SAMD4B: variants seen among roughly 807,000 people sequenced by gnomAD.
SAMD4B encodes the protein protein Smaug homolog 2.
SAMD4B carries 5 observed loss-of-function variants against 74.5 expected under a neutral mutation model. The ratio of observed to expected loss-of-function variants is 0.07; its 90% CI spans 0.04 to 0.14. SAMD4B has a LOEUF of 0.14. SAMD4B is among the 10% of genes least tolerant of loss of function. SAMD4B has a pLI of 1.00. For synonymous variants in SAMD4B, 373 were observed against 374.9 expected (o/e 1.00, Z 0.06); for missense variants, 608 against 921.8 (o/e 0.66, Z 4.41).
chr19:39,378,481 T>C lies in SAMD4B; in HGVS notation c.1445-23T>C, dbSNP rs749443493. 1.2e-6 allele frequency: 2 copies of C among 1,611,510 alleles called. No homozygotes were observed. The highest frequency in any genetic ancestry group is 2.2e-5 in the South Asian group (2 of 91,022). Reference sequence around the variant, plus strand: ...GAGGGCATACTAGGGGTTAACCTCCTGCCCTTTCTCATGTCCCCCCAGTGT... The same window carrying C: ...GAGGGCATACTAGGGGTTAACCTCCCGCCCTTTCTCATGTCCCCCCAGTGT... On this transcript the variant is annotated intron_variant, in intron 8 of 13. Transcript: ENST00000610417. This position sits in a 1 kb window ranked among gnomAD's most constrained non-coding sequence, Gnocchi z 4.4.
chr19:39,390,323 G>A (rs757708629), downstream of SAMD4B: 1 of 1,594,038 alleles, frequency 6.3e-7, no homozygotes, highest in South Asian at 1.1e-5. Flanking sequence ...GATAGGTGGA[G>A]AGGACGGGAT....
At chr19:39,381,187 A>T in intron 12 of SAMD4B, 74 bp downstream of exon 12, 1 of 1,500,158 alleles carries the variant, frequency 6.7e-7, no homozygotes, top group Non-Finnish European at 8.9e-7. Context: ...CCTGGGTCTC[A>T]TGTCCACTGT....
intron 4 of SAMD4B, among the ~76,000 whole-genome samples, chr19:39,371,539 G>A (rs779904434): frequency 7.9e-5 from 12 of 152,162 alleles, no homozygotes; most frequent in African/African-American, 2.7e-4. Context: ...GTGCTAGTCC[G>A]GGCATGGTGG....
In SAMD4B at chr19:39,378,771, G is replaced by T. The variant is rs2077759623; in HGVS notation, c.1530+182G>T. 6.6e-6 allele frequency among the ~76,000 whole-genome samples: 1 copy of T among 152,262 alleles called. No individual in the cohort carries two copies. Among genetic ancestry groups the T allele is most frequent in the African/African-American group, 2.4e-5 (1 of 41,472 alleles). ...AAATACAAAAAATTAGCCGGGCGTGGTGGCAGGTGCCTGCAGTCCCAGCTA... is the reference window on the plus strand; with the variant it reads ...AAATACAAAAAATTAGCCGGGCGTGTTGGCAGGTGCCTGCAGTCCCAGCTA... On this transcript the variant is annotated intron_variant, in intron 9 of 13. Coordinates refer to ENST00000610417, the MANE Select transcript of SAMD4B (RefSeq NM_001384574.2). The surrounding 1 kb of genome is among the most constrained non-coding windows in gnomAD (Gnocchi z 4.4).
intron 3 of SAMD4B, among the ~76,000 whole-genome samples, chr19:39,365,494 G>T (rs2076909842): frequency 6.6e-6 from 1 of 152,080 alleles, no homozygotes. Context: ...GGTGGAGGTT[G>T]CAGTGAACCG....
At chr19:39,356,160 A>G (rs572035029) in intron 2 of SAMD4B, among the ~76,000 whole-genome samples, 46 of 152,220 alleles carry the variant, frequency 3.0e-4, no homozygotes, top group Non-Finnish European at 4.6e-4. Context: ...CCGACCATCC[A>G]TCCTCTACCC....
At chr19:39,367,159 G>T (rs928637280) in intron 3 of SAMD4B, among the ~76,000 whole-genome samples, 1 of 152,176 alleles carries the variant, frequency 6.6e-6, no homozygotes, top group Non-Finnish European at 1.5e-5. Context: ...AGTAAGTGGT[G>T]GTAAAGGGAC....
intron 3 of SAMD4B, chr19:39,369,180 C>T (rs2077147334): frequency 6.1e-6 from 1 of 164,172 alleles, no homozygotes; most frequent in Admixed American, 5.9e-5. Flanking sequence ...ACTGTAGTAC[C>T]AGCTACTTGG....
At chr19:39,352,913 C>G (rs79606894) in intron 1 of SAMD4B, among the ~76,000 whole-genome samples, 1 of 152,044 alleles carries the variant, frequency 6.6e-6, no homozygotes, top group African/African-American at 2.4e-5. Flanking sequence ...CACAAATGTT[C>G]CCTCTGAAAT....
At chr19:39,353,211 A>G (rs1448668314) in intron 1 of SAMD4B, among the ~76,000 whole-genome samples, 1 of 152,230 alleles carries the variant, frequency 6.6e-6, no homozygotes, top group East Asian at 1.9e-4. Context: ...CCCTGCATCC[A>G]GGGCAAACAT....
In SAMD4B at chr19:39,369,900, A is replaced by C; in HGVS notation, c.442A>C (p.Ser148Arg). The C allele has an allele frequency of 6.2e-7, 1 of 1,614,234 alleles. No homozygotes were observed. Among genetic ancestry groups the C allele is most frequent in the Non-Finnish European group, 8.5e-7 (1 of 1,180,044 alleles). The change falls in exon 4 of 14, where the codon AGC becomes CGC. Residue 148 changes from serine to arginine, a missense_variant. Ser to Arg is a moderately radical substitution (Grantham distance 110, BLOSUM62 -1). Around this residue, in one of 9 missense-constraint regions of SAMD4B, gnomAD observed 153 missense variants for 153.0 expected, o/e 1.00. Transcript: ENST00000610417. Reference protein sequence around the residue: ...EDRNALALWLSHLEERLASGF... With the variant: ...EDRNALALWLRHLEERLASGF... ...CCGCAACGCACTGGCCCTCTGGCTGAGCCACCTGGAAGAGCGGTTGGCTAG... is the reference window on the plus strand; with the variant it reads ...CCGCAACGCACTGGCCCTCTGGCTGCGCCACCTGGAAGAGCGGTTGGCTAG...
downstream of SAMD4B, chr19:39,389,667 G>C: frequency 6.2e-7 from 1 of 1,614,216 alleles, no homozygotes; most frequent in Non-Finnish European, 8.5e-7. This position sits in a 1 kb window ranked among gnomAD's most constrained non-coding sequence, Gnocchi z 5.3. Context: ...TAGGTGTCAG[G>C]ATTGATGAGA....
At chr19:39,351,864 C>G (rs1226487931) in intron 1 of SAMD4B, 3 of 152,180 alleles carry the variant, frequency 2.0e-5, no homozygotes, top group African/African-American at 7.2e-5. Flanking sequence ...CAGGCTTTAC[C>G]CCATGTCCAC....
chr19:39,369,938 C>A lies in SAMD4B; in HGVS notation c.480C>A (p.Ser160=), dbSNP rs367728307. 1 of 1,613,882 alleles carries A rather than the reference C, an allele frequency of 6.2e-7. No homozygotes were observed. The highest frequency in any genetic ancestry group is 8.5e-7 in the Non-Finnish European group (1 of 1,179,994). ...AGCGGTTGGCTAGTGGCTTCCGCTC[C>A]CGGCCAGAGCCCTCCTACCATTCAC... ...LEERLASGFR[S]RPEPSYHSRQ... is the part of the protein sequence containing the mutation. The change falls in exon 4 of 14, where the codon TCC becomes TCA. Residue 160 remains serine (S), a synonymous_variant. Transcript: ENST00000610417.
rs1207506002 is a variant in SAMD4B at position 39,383,132 on chromosome 19, A to G, written c.1973-76A>G. 1 of 1,158,146 alleles carries G rather than the reference A, an allele frequency of 8.6e-7. No homozygotes were observed. The highest frequency in any genetic ancestry group is 1.7e-5 in the Admixed American group (1 of 59,372). The allele number at this position is 1,158,146 out of a possible 1,614,324, so 71.7% of individuals were successfully genotyped here. A position where few individuals can be genotyped will look rare whatever the true frequency, so the allele number is the denominator to read the frequency against. Reference sequence around the variant, plus strand: ...TCTCTTGCTCCCTTCCCATACCAGCATCCTTTGTCATCCCAGCTGTCTTCA... The same window carrying G: ...TCTCTTGCTCCCTTCCCATACCAGCGTCCTTTGTCATCCCAGCTGTCTTCA... On this transcript the variant is annotated intron_variant, in intron 12 of 13. Transcript: ENST00000610417. This position sits in a 1 kb window ranked among gnomAD's most constrained non-coding sequence, Gnocchi z 4.1.
At chr19:39,367,050 TAGC>T (rs2077001743) in intron 3 of SAMD4B, among the ~76,000 whole-genome samples, 1 of 152,182 alleles carries the variant, frequency 6.6e-6, no homozygotes, top group Admixed American at 6.5e-5. Context: ...ACATAATTCA[TAGC>T]AGCCATGCCA....
chr19:39,387,593 C>T (rs2145928715), downstream of SAMD4B, among the ~76,000 whole-genome samples: 1 of 152,328 alleles, frequency 6.6e-6, no homozygotes, highest in African/African-American at 2.4e-5. Context: ...GTAATCTCTG[C>T]TTTAAACAGA....
At position 39,385,428 on chromosome 19, in the gene SAMD4B, C is replaced by G; in HGVS notation, c.*1901C>G. On this transcript the variant is annotated 3_prime_UTR_variant, in exon 14 of 14. Coordinates refer to ENST00000610417, the MANE Select transcript of SAMD4B (RefSeq NM_001384574.2). ...ACACACAGGGAGGCAAGAGCTGCCC[C>G]CCACCCCACCTGACAGCAGAGTGTG... 2.4e-6 allele frequency: 1 copy of G among 415,572 alleles called. No individual in the cohort carries two copies. Among genetic ancestry groups the G allele is most frequent in the Non-Finnish European group, 4.3e-6 (1 of 235,006 alleles). 25.7% of individuals were successfully genotyped at this position (415,572 alleles called of 1,614,324 possible).
At position 39,375,595 on chromosome 19, in the gene SAMD4B, C is replaced by A; in HGVS notation, c.668-55C>A. The A allele has an allele frequency of 6.4e-7, 1 of 1,569,168 alleles. No homozygotes were observed. The highest frequency in any genetic ancestry group is 1.2e-5 in the South Asian group (1 of 86,642). On this transcript the variant is annotated intron_variant, in intron 4 of 13. Coordinates refer to ENST00000610417, the MANE Select transcript of SAMD4B (RefSeq NM_001384574.2). The surrounding 1 kb of genome is among the most constrained non-coding windows in gnomAD (Gnocchi z 4.1). ...CTGGCACTGACGGCAGGGGGATGGT[C>A]TCCTGTGGTTGGGTCCCCAGGTCTA...
Sources: allele counts gnomAD v4.1 joint callset (sites outside exome capture counted in the v4.1 genomes callset), GRCh38; gene constraint gnomAD v4.1.1; regional missense constraint gnomAD v4.1.1; non-coding constraint Gnocchi (gnomAD v3.1); transcripts MANE v1.5; gene names NCBI Gene and HGNC (gene_info 2026-07-23, HGNC 2026-07-21).